The following TRPM3 variants were observed in gnomAD, a reference collection of about 807,000 sequenced individuals.
TRPM3 encodes the protein transient receptor potential cation channel subfamily M member 3, also known as long transient receptor potential channel 3.
In TRPM3, 77 loss-of-function variants were observed where a neutral mutation model predicts 181.2. The observed-to-expected ratio is 0.42, with a 90% confidence interval of 0.35 to 0.51. The LOEUF (loss-of-function observed/expected upper bound fraction) is 0.51, where lower values mean the gene tolerates loss of function less well. Ranked by LOEUF, TRPM3 falls within the 20% of genes least tolerant of loss-of-function variation. The pLI is 0.01. For synonymous variants in TRPM3, 745 were observed against 796.4 expected, an observed-to-expected ratio of 0.94 and a Z score of 1.09; for missense variants, 1,759 against 2,196.7, an observed-to-expected ratio of 0.80 and a Z score of 3.98.
At chr9:70,909,418 G>A (rs1233113869) in intron 1 of TRPM3, among the ~76,000 whole-genome samples, 1 of 152,160 alleles carries the variant, frequency 6.6e-6, no homozygotes, top group Non-Finnish European at 1.5e-5. Flanking sequence ...GGTTGGGCTT[G>A]AGAATCTGAA....
rs1267431906 is a variant in TRPM3 at position 70,846,330 on chromosome 9, A to C, written c.676+48T>G. 3 of 1,548,298 alleles carry C rather than the reference A, an allele frequency of 1.9e-6. No individual in the cohort carries two copies. The African/African-American group carries it at 4.1e-5, about 21-fold the overall frequency. ...CTTAGCAGAAAATTACATCAGGCAC[A>C]ACATTCCCATGGCCTATGTTGACTT... On this transcript the variant is annotated intron_variant, in intron 4 of 25. Coordinates refer to ENST00000677713, the MANE Select transcript of TRPM3 (RefSeq NM_001366145.2).
chr9:71,139,009 A>G (rs2074942510), intron 1 of TRPM3, among the ~76,000 whole-genome samples: 1 of 152,144 alleles, frequency 6.6e-6, no homozygotes, highest in South Asian at 2.1e-4. Flanking sequence ...TGGTAGCATA[A>G]CTTACTTGTC....
chr9:70,772,418 G>A (rs10868884), intron 7 of TRPM3, among the ~76,000 whole-genome samples: 56,139 of 151,512 alleles, frequency 0.37, 12,683 homozygotes, highest in East Asian at 0.5. Flanking sequence ...CCTGGGCTCA[G>A]GTGATCCTCC....
chr9:71,198,587 C>T (rs1358922483), intron 1 of TRPM3, among the ~76,000 whole-genome samples: 4 of 151,916 alleles, frequency 2.6e-5, no homozygotes, highest in African/African-American at 9.7e-5. Flanking sequence ...AGGTCCTTCA[C>T]ATCCCTTGTA....
intron 22 of TRPM3, among the ~76,000 whole-genome samples, chr9:70,586,375 C>T (rs942188704): frequency 2.0e-5 from 3 of 152,186 alleles, no homozygotes; most frequent in Admixed American, 6.5e-5. Context: ...TTGATCAAAA[C>T]AGCGTCCGGA....
chr9:70,571,864 C>T (rs2052487322), intron 22 of TRPM3, among the ~76,000 whole-genome samples: 1 of 152,132 alleles, frequency 6.6e-6, no homozygotes, highest in South Asian at 2.1e-4. Context: ...CTTCTCTTTG[C>T]TTCTGTCAGA....
At chr9:71,239,754 A>G (rs898878155) in intron 1 of TRPM3, among the ~76,000 whole-genome samples, 1 of 152,156 alleles carries the variant, frequency 6.6e-6, no homozygotes, top group Non-Finnish European at 1.5e-5. Context: ...AACTTATTAA[A>G]TGGGCTTTCT....
At chr9:70,906,347 A>G (rs1434258217) in intron 1 of TRPM3, among the ~76,000 whole-genome samples, 2 of 152,212 alleles carry the variant, frequency 1.3e-5, no homozygotes, top group South Asian at 2.1e-4. Flanking sequence ...ATCTTCTGCA[A>G]TTAGCCTCGA....
At chr9:71,359,193 G>C (rs1439029966) in intron 1 of TRPM3, among the ~76,000 whole-genome samples, 1 of 152,194 alleles carries the variant, frequency 6.6e-6, no homozygotes, top group Non-Finnish European at 1.5e-5. Flanking sequence ...GCTTGAATGT[G>C]AGGTAATGAA....
intron 1 of TRPM3, among the ~76,000 whole-genome samples, chr9:71,216,759 A>G (rs1008348210): frequency 3.3e-5 from 5 of 152,176 alleles, no homozygotes; most frequent in Non-Finnish European, 7.3e-5. Flanking sequence ...CACTAGGCAC[A>G]TAACTAGGTG....
chr9:71,174,886 C>T (rs2077032223), intron 1 of TRPM3, among the ~76,000 whole-genome samples: 1 of 152,016 alleles, frequency 6.6e-6, no homozygotes, highest in Non-Finnish European at 1.5e-5. Context: ...TGACCAAAAG[C>T]TATTTGGTTG....
intron 1 of TRPM3, among the ~76,000 whole-genome samples, chr9:71,246,136 C>A (rs2131992109): frequency 6.6e-6 from 1 of 152,236 alleles, no homozygotes; most frequent in South Asian, 2.1e-4. Flanking sequence ...GGTGGTCTAA[C>A]CTTCCCTTTA....
intron 1 of TRPM3, among the ~76,000 whole-genome samples, chr9:71,047,995 G>A (rs567372568): frequency 6.6e-6 from 1 of 152,264 alleles, no homozygotes; most frequent in South Asian, 2.1e-4. Flanking sequence ...ATAAACGAAT[G>A]AATGTAGGAA....
chr9:71,074,043 C>T (rs2063119806), intron 1 of TRPM3, among the ~76,000 whole-genome samples: 1 of 152,102 alleles, frequency 6.6e-6, no homozygotes, highest in African/African-American at 2.4e-5. Context: ...TAAGTAACTT[C>T]AAGAGTTACA....
At chr9:71,223,931 C>T (rs1215999430) in intron 1 of TRPM3, among the ~76,000 whole-genome samples, 3 of 152,370 alleles carry the variant, frequency 2.0e-5, no homozygotes, top group South Asian at 4.1e-4. Flanking sequence ...CCTGCACAGC[C>T]TCTCTGGACC....
chr9:71,380,940 C>T (rs188984970), intron 1 of TRPM3, among the ~76,000 whole-genome samples: 4 of 152,046 alleles, frequency 2.6e-5, no homozygotes, highest in African/African-American at 9.6e-5. Context: ...AAGACGACGA[C>T]AAAATGAAGA....
At chr9:70,854,079 A>C (rs2095319190) in intron 3 of TRPM3, among the ~76,000 whole-genome samples, 1 of 152,200 alleles carries the variant, frequency 6.6e-6, no homozygotes, top group Admixed American at 6.5e-5. Flanking sequence ...ACGTGCCCAG[A>C]GCAATTAATC....
chr9:70,791,343 T>G (rs960836338), intron 6 of TRPM3, among the ~76,000 whole-genome samples: 2 of 152,210 alleles, frequency 1.3e-5, no homozygotes, highest in African/African-American at 4.8e-5. Flanking sequence ...ACAAAATGTT[T>G]CACTTCTAAA....
intron 1 of TRPM3, among the ~76,000 whole-genome samples, chr9:71,445,991 C>T (rs970839504): frequency 6.6e-6 from 1 of 152,194 alleles, no homozygotes; most frequent in Non-Finnish European, 1.5e-5. Flanking sequence ...CACTTCTCTA[C>T]ACACATATGA....
Sources: allele counts gnomAD v4.1 joint callset (sites outside exome capture counted in the v4.1 genomes callset), GRCh38; gene constraint gnomAD v4.1.1; transcripts MANE v1.5; gene names NCBI Gene and HGNC (gene_info 2026-07-23, HGNC 2026-07-21).